SORBS3: variants seen among roughly 807,000 people sequenced by gnomAD.
SORBS3 encodes the protein sorbin and SH3 domain containing 3, also known as vinexin.
A neutral mutation model predicts 98.0 loss-of-function variants in SORBS3; 69 were observed. The ratio of observed to expected loss-of-function variants is 0.70; its 90% confidence interval spans 0.58 to 0.86. The LOEUF (loss-of-function observed/expected upper bound fraction) is 0.86, where lower values mean the gene tolerates loss of function less well. Ranked by LOEUF, SORBS3 falls within the 40% of genes least tolerant of loss-of-function variation. The probability of loss-of-function intolerance (pLI) is 0.00; values close to 1 mark genes in which losing one functional copy is unlikely to be tolerated. For synonymous variants in SORBS3, 394 were observed against 355.4 expected, an observed-to-expected ratio of 1.11 and a Z score of -1.22; for missense variants, 954 against 908.5, an observed-to-expected ratio of 1.05 and a Z score of -0.64.
intron 19 of SORBS3, among the ~76,000 whole-genome samples, 168 bp from the exon 20 acceptor site, chr8:22,572,172 A>G (rs545718986): frequency 2.9e-4 from 44 of 152,316 alleles, no homozygotes; most frequent in African/African-American, 1.1e-3. Context: ...AGAGGGCAGG[A>G]GGCAGGCCTG....
Position 22,571,235 on chromosome 8 carries a change from C to T in SORBS3, c.1743+14C>T. 1 of 1,510,120 alleles carries T rather than the reference C, an allele frequency of 6.6e-7. No individual in the cohort carries two copies. The highest frequency in any genetic ancestry group is 8.9e-7 in the Non-Finnish European group (1 of 1,127,956). The allele number at this position is 1,510,120 out of a possible 1,614,324, so 93.5% of individuals were successfully genotyped here. On this transcript the variant is annotated intron_variant, in intron 18 of 20. Transcript: ENST00000240123. Reference sequence around the variant, plus strand: ...CCCCAGACCCAGGTGAGGTAGCCTGCCTCCACCAGAGAGTCGACCTCCTCC... The same window carrying T: ...CCCCAGACCCAGGTGAGGTAGCCTGTCTCCACCAGAGAGTCGACCTCCTCC...
chr8:22,571,324 G>A, intron 18 of SORBS3, 103 bp downstream of exon 18: 1 of 695,222 alleles, frequency 1.4e-6, no homozygotes, highest in South Asian at 1.9e-5. Flanking sequence ...GACAGCCCTG[G>A]GACATAGGAG....
upstream of SORBS3, chr8:22,549,764 C>CATAGAGATGAAA (rs1840055202): frequency 6.5e-6 from 1 of 153,504 alleles, no homozygotes; most frequent in African/African-American, 2.4e-5. Flanking sequence ...TACTCAACGC[C>CATAGAGATGAAA]CGATTCCCAT....
chr8:22,557,431 A>G (rs1030990509), intron 4 of SORBS3, among the ~76,000 whole-genome samples: 1 of 152,138 alleles, frequency 6.6e-6, no homozygotes, highest in African/African-American at 2.4e-5. Flanking sequence ...AGCTGGTAAC[A>G]TTCCCTTCCT....
intron 5 of SORBS3, chr8:22,560,832 C>CGT (rs56159823): frequency 0.079 from 10,621 of 134,600 alleles, 389 homozygotes; most frequent in East Asian, 0.12. Flanking sequence ...GCAGCGCATG[C>CGT]GTGTGTGTGT....
At chr8:22,550,064 A>G (rs948795002), upstream of SORBS3, 2 of 968,164 alleles carry the variant, frequency 2.1e-6, no homozygotes, top group Non-Finnish European at 2.5e-6. Flanking sequence ...GACAGGTGGG[A>G]AAAATGCGTG....
intron 6 of SORBS3, chr8:22,561,576 C>A (rs2117244530): frequency 1.6e-6 from 1 of 628,892 alleles, no homozygotes; most frequent in Middle Eastern, 2.7e-4. Flanking sequence ...ACGGGGAACG[C>A]GCGCTCTGCC....
chr8:22,573,660 G>T (rs1840647944), intron 20 of SORBS3, among the ~76,000 whole-genome samples: 1 of 151,468 alleles, frequency 6.6e-6, no homozygotes, highest in African/African-American at 2.4e-5. Flanking sequence ...GGTACTCGGG[G>T]CAGAGGACGA....
intron 18 of SORBS3, 109 bp from the exon 19 acceptor site, chr8:22,571,609 C>T (rs969819183): frequency 1.1e-4 from 83 of 766,192 alleles, no homozygotes; most frequent in Non-Finnish European, 1.6e-4. Flanking sequence ...GTTTGTAAGG[C>T]GTGCTGGCAG....
Position 22,556,902 on chromosome 8 carries a change from C to T in SORBS3, c.408C>T (p.Pro136=), listed in dbSNP as rs769881732. 3.7e-6 allele frequency: 6 copies of T among 1,612,682 alleles called. No individual in the cohort carries two copies. The highest frequency in any genetic ancestry group is 5.1e-6 in the Non-Finnish European group (6 of 1,180,020). ...PVDESGMPIA[P]RSSVDRPRDW... is the part of the protein sequence containing the mutation. ...ACGAGAGCGGCATGCCCATTGCCCC[C>T]CGATCCGTGAGTCCAGGGCTGGGGG... The change falls in exon 4 of 21, where the codon CCC becomes CCT. Residue 136 remains proline (P), a synonymous_variant. Coordinates refer to ENST00000240123, the MANE Select transcript of SORBS3 (RefSeq NM_005775.5).
At chr8:22,557,439 C>CCTGTTTTGAGG (rs1242259204) in intron 4 of SORBS3, among the ~76,000 whole-genome samples, 1 of 152,146 alleles carries the variant, frequency 6.6e-6, no homozygotes, top group South Asian at 2.1e-4. Flanking sequence ...ACATTCCCTT[C>CCTGTTTTGAGG]CTGTTTTGAG....
At chr8:22,572,584 G>T (rs143914215) in intron 20 of SORBS3, 138 bp downstream of exon 20, 10 of 701,838 alleles carry the variant, frequency 1.4e-5, no homozygotes, top group South Asian at 3.4e-5. Context: ...CTACTGGGGG[G>T]GCCTGGCACC....
Position 22,556,872 on chromosome 8 carries a change from C to T in SORBS3, c.378C>T (p.Pro126=), listed in dbSNP as rs373007541. 44 of 1,613,304 alleles carry T rather than the reference C, an allele frequency of 2.7e-5. No individual in the cohort carries two copies. The highest frequency in any genetic ancestry group is 1.6e-4 in the Middle Eastern group (1 of 6,062). ...KRWVKYEGIG[P]VDESGMPIAP... is the part of the protein sequence containing the mutation. ...GGGTCAAGTACGAGGGAATCGGGCC[C>T]GTGGACGAGAGCGGCATGCCCATTG... The change falls in exon 4 of 21, where the codon CCC becomes CCT. Residue 126 remains proline (P), a synonymous_variant. Coordinates refer to ENST00000240123, the MANE Select transcript of SORBS3 (RefSeq NM_005775.5).
chr8:22,549,878 T>A, upstream of SORBS3: 4 of 619,026 alleles, frequency 6.5e-6, no homozygotes, highest in Non-Finnish European at 8.1e-6. Flanking sequence ...CTGCACCCTC[T>A]ACACTAAATA....
At chr8:22,574,616 C>T in intron 20 of SORBS3, 51 bp from the exon 21 acceptor site, 1 of 1,587,460 alleles carries the variant, frequency 6.3e-7, no homozygotes, top group Non-Finnish European at 8.6e-7. Flanking sequence ...ACCCCTGCAT[C>T]CCTGTTAAAG....
In SORBS3 at chr8:22,554,598, G is replaced by A. The variant is rs370407437; in HGVS notation, c.92G>A (p.Arg31Gln). The change falls in exon 2 of 21, where the codon CGG (arginine) becomes CAG (glutamine). Residue 31 changes from arginine (R) to glutamine (Q), a missense_variant. Arg to Gln is a conservative substitution (Grantham distance 43). Coordinates refer to ENST00000240123, the MANE Select transcript of SORBS3 (RefSeq NM_005775.5). This position sits in a 1 kb window ranked among gnomAD's most constrained non-coding sequence, Gnocchi z 6.5. ...HLQSHIGSSSRGTRVPVIRNG... is the reference protein window; with the variant it reads ...HLQSHIGSSSQGTRVPVIRNG... ...CAGTCCCACATAGGGTCTTCCTCCC[G>A]GGGGACACGGGTGAGTGAGTCAGTA... is the stretch of plus-strand genomic sequence containing the variant. 1,326 of 1,611,784 alleles carry A rather than the reference G, an allele frequency of 8.2e-4. 18 individuals carry two copies. In the South Asian group the frequency reaches 0.014, roughly 16 times the overall value.
chr8:22,561,491 C>A, intron 6 of SORBS3, 118 bp downstream of exon 6: 2 of 1,118,328 alleles, frequency 1.8e-6, no homozygotes, highest in Non-Finnish European at 2.7e-6. Context: ...TCAGTTCAAC[C>A]TGAGAGGTTT....
chr8:22,554,173 T>A lies in SORBS3; in HGVS notation c.-55-279T>A. The A allele has an allele frequency of 5.1e-6, 1 of 196,004 alleles. No homozygotes were observed. Among genetic ancestry groups the A allele is most frequent in the African/African-American group, 2.5e-5 (1 of 39,666 alleles). The allele number at this position is 196,004 out of a possible 1,614,324, so 12.1% of individuals were successfully genotyped here. A position where few individuals can be genotyped will look rare whatever the true frequency, so the allele number is the denominator to read the frequency against. On this transcript the variant is annotated intron_variant, in intron 1 of 20. Coordinates refer to ENST00000240123, the MANE Select transcript of SORBS3 (RefSeq NM_005775.5). The surrounding 1 kb of genome is among the most constrained non-coding windows in gnomAD (Gnocchi z 6.5). Reference sequence around the variant, plus strand: ...GCCCCACGGGCTCCTGGCCAGCCCCTCCCCTCCTCCTCACCCAAGCTCCCC... The same window carrying A: ...GCCCCACGGGCTCCTGGCCAGCCCCACCCCTCCTCCTCACCCAAGCTCCCC...
At chr8:22,574,091 G>A (rs1040042740) in intron 20 of SORBS3, among the ~76,000 whole-genome samples, 16 of 152,186 alleles carry the variant, frequency 1.1e-4, no homozygotes, top group Non-Finnish European at 1.9e-4. Flanking sequence ...TTCATGGCAC[G>A]AAGGAAAGCA....
Sources: gnomAD v4.1 joint callset for allele counts (sites outside exome capture counted in the v4.1 genomes callset) on GRCh38, gnomAD v4.1.1 for gene constraint, Gnocchi (gnomAD v3.1) non-coding constraint, MANE v1.5 for transcripts, NCBI Gene and HGNC (gene_info 2026-07-23, HGNC 2026-07-21) for gene names.